Variants in XXYLT1 observed in about 807,000 individuals in gnomAD.
XXYLT1 encodes UDP-xylose:alpha-xyloside alpha-1,3-xylosyltransferase.
XXYLT1 carries 20 observed loss-of-function variants against 28.9 expected under a neutral mutation model. The observed-to-expected ratio is 0.69, with a 90% CI of 0.49 to 1.00. The LOEUF is 1.00. XXYLT1 is among the 50% of genes least tolerant of loss of function. XXYLT1 has a pLI of 0.00. For missense variants in XXYLT1, 542 were observed against 560.1 expected, an observed-to-expected ratio of 0.97 and a Z score of 0.33; for synonymous variants, 257 against 253.8, an observed-to-expected ratio of 1.01 and a Z score of -0.12.
At chr3:195,183,227 G>A (rs1279100948) in intron 2 of XXYLT1, among the ~76,000 whole-genome samples, 4 of 152,138 alleles carry the variant, frequency 2.6e-5, no homozygotes, top group African/African-American at 7.2e-5. Context: ...TAACCCCCAC[G>A]CATCGTGAGA....
rs200992381 is a variant in XXYLT1, at chr3:195,069,837, G to A, written c.1060C>T (p.Arg354Trp). ...LFHVLDCTWN[R>W]QLCTWWRDHG... Reference sequence around the variant, plus strand: ...TCCCTCCACCAGGTGCACAGCTGCCGGTTCCAGGTACAGTCCAGCACATGG... The same window carrying A: ...TCCCTCCACCAGGTGCACAGCTGCCAGTTCCAGGTACAGTCCAGCACATGG... The change falls in exon 4 of 4, where the codon CGG (arginine) becomes TGG (tryptophan). Residue 354 changes from arginine to tryptophan, a missense_variant. Arg to Trp is a moderately radical substitution (Grantham distance 101, BLOSUM62 -3). Transcript: ENST00000310380. The A allele has an allele frequency of 3.1e-4, 506 of 1,614,154 alleles. 3 individuals are homozygous for A. In the South Asian group the frequency reaches 3.7e-3, roughly 12 times the overall value.
In XXYLT1 at chr3:195,210,657, CG is replaced by C. The variant is rs1176670136; in HGVS notation, c.652+16051del. Among the ~76,000 whole-genome samples, 1 of 152,188 alleles carries C rather than the reference CG, an allele frequency of 6.6e-6. No homozygotes were observed. The highest frequency in any genetic ancestry group is 1.5e-5 in the Non-Finnish European group (1 of 68,036). ...AATTAGTAGAAAATGGTCTCTACCACGTTACTATTTTTAGCATTTTATGACA... is the reference window on the plus strand; with the variant it reads ...AATTAGTAGAAAATGGTCTCTACCACTTACTATTTTTAGCATTTTATGACA... On this transcript the variant is annotated intron_variant, in intron 2 of 3. Coordinates refer to ENST00000310380, the MANE Select transcript of XXYLT1 (RefSeq NM_152531.5). The surrounding 1 kb of genome is among the most constrained non-coding windows in gnomAD (Gnocchi z 4.8).
intron 2 of XXYLT1, among the ~76,000 whole-genome samples, chr3:195,179,833 TAAC>T (rs1721860373): frequency 6.6e-6 from 1 of 152,126 alleles, no homozygotes; most frequent in African/African-American, 2.4e-5. Context: ...GAGTCACAAT[TAAC>T]AAAGGATTTC....
At chr3:195,212,447 C>G (rs530915137) in intron 2 of XXYLT1, among the ~76,000 whole-genome samples, 1 of 152,330 alleles carries the variant, frequency 6.6e-6, no homozygotes, top group Non-Finnish European at 1.5e-5. Context: ...TTTCCCAGGA[C>G]AGCCCTTCAG....
intron 1 of XXYLT1, among the ~76,000 whole-genome samples, chr3:195,245,203 C>T (rs1290367003): frequency 6.7e-6 from 1 of 149,664 alleles, no homozygotes; most frequent in Non-Finnish European, 1.5e-5. Flanking sequence ...CTCTGTCACC[C>T]AGGCTGGAGT....
At chr3:195,075,669 G>A (rs1715072376) in intron 3 of XXYLT1, among the ~76,000 whole-genome samples, 1 of 152,200 alleles carries the variant, frequency 6.6e-6, no homozygotes, top group African/African-American at 2.4e-5. Context: ...CTGGGTGCCC[G>A]AGTGGCTGGC....
chr3:195,251,315 C>T (rs1725243245), intron 1 of XXYLT1, among the ~76,000 whole-genome samples: 1 of 152,268 alleles, frequency 6.6e-6, no homozygotes, highest in Non-Finnish European at 1.5e-5. Context: ...ACCCAAATCA[C>T]TCATGTGACC....
intron 2 of XXYLT1, among the ~76,000 whole-genome samples, chr3:195,206,111 G>A (rs559264609): frequency 2.1e-5 from 3 of 143,164 alleles, no homozygotes; most frequent in South Asian, 2.2e-4. Flanking sequence ...TGCAAGCTCT[G>A]CCTCCCGGGT....
chr3:195,099,080 G>A (rs184321159), intron 3 of XXYLT1, among the ~76,000 whole-genome samples: 2 of 152,324 alleles, frequency 1.3e-5, no homozygotes, highest in Admixed American at 1.3e-4. Flanking sequence ...GCAGAGTACG[G>A]TGTAATTAAC....
intron 3 of XXYLT1, among the ~76,000 whole-genome samples, chr3:195,101,470 A>G (rs1015166142): frequency 5.9e-5 from 9 of 152,222 alleles, no homozygotes; most frequent in Non-Finnish European, 1.3e-4. Context: ...AAATGCACAC[A>G]ACTGCTATCA....
intron 2 of XXYLT1, among the ~76,000 whole-genome samples, chr3:195,174,948 T>C (rs1721588461): frequency 6.6e-6 from 1 of 152,114 alleles, no homozygotes; most frequent in South Asian, 2.1e-4. Flanking sequence ...TTATCTATGG[T>C]TGGCCTCTCT....
chr3:195,249,489 A>T (rs1466677252), intron 1 of XXYLT1, among the ~76,000 whole-genome samples: 2 of 152,228 alleles, frequency 1.3e-5, no homozygotes, highest in Admixed American at 6.5e-5. Flanking sequence ...GAAACATGTC[A>T]GGCAGCAACG....
intron 3 of XXYLT1, among the ~76,000 whole-genome samples, chr3:195,097,850 C>T (rs1299450402): frequency 6.6e-6 from 1 of 151,282 alleles, no homozygotes; most frequent in Admixed American, 6.6e-5. Context: ...AGAAGTCAGG[C>T]TGGGCAGGAA....
intron 3 of XXYLT1, among the ~76,000 whole-genome samples, chr3:195,119,994 G>A (rs538544052): frequency 7.9e-5 from 12 of 152,270 alleles, no homozygotes; most frequent in South Asian, 2.1e-4. Flanking sequence ...CACTGGGCCC[G>A]CAGGATTCCT....
intron 3 of XXYLT1, chr3:195,087,393 G>C (rs557291312): frequency 1.3e-5 from 2 of 152,276 alleles, no homozygotes; most frequent in African/African-American, 4.8e-5. Flanking sequence ...CTGTGCTTGG[G>C]GTGCTCCCTG....
intron 1 of XXYLT1, among the ~76,000 whole-genome samples, chr3:195,243,125 C>T (rs1005886398): frequency 6.6e-6 from 1 of 152,082 alleles, no homozygotes. Flanking sequence ...AAACCAAACA[C>T]CACATGTTCT....
intron 1 of XXYLT1, among the ~76,000 whole-genome samples, chr3:195,246,395 AG>A (rs1418538842): frequency 2.0e-5 from 3 of 152,214 alleles, no homozygotes; most frequent in African/African-American, 7.2e-5. Flanking sequence ...TTTGGCAAGC[AG>A]ATACAGAGAC....
intron 2 of XXYLT1, among the ~76,000 whole-genome samples, chr3:195,162,848 G>A (rs1720938330): frequency 6.6e-6 from 1 of 152,192 alleles, no homozygotes. Context: ...TGAAGTGATG[G>A]CTTACGCACG....
chr3:195,242,027 C>A (rs1724797957), intron 1 of XXYLT1, among the ~76,000 whole-genome samples: 1 of 152,228 alleles, frequency 6.6e-6, no homozygotes, highest in Non-Finnish European at 1.5e-5. Context: ...CTGTCGTATT[C>A]ATTGCTGCAT....
Sources: gnomAD v4.1 joint callset for allele counts (sites outside exome capture counted in the v4.1 genomes callset) on GRCh38, gnomAD v4.1.1 for gene constraint, Gnocchi (gnomAD v3.1) non-coding constraint, MANE v1.5 for transcripts, NCBI Gene and HGNC (gene_info 2026-07-23, HGNC 2026-07-21) for gene names.